The following FER variants were observed in gnomAD, a reference collection of about 807,000 sequenced individuals.
The protein encoded by FER is FER tyrosine kinase.
A neutral mutation model predicts 111.0 loss-of-function variants in FER; 63 were observed. The observed-to-expected ratio is 0.57, with a 90% CI of 0.46 to 0.70. FER has a LOEUF of 0.70. Ranked by LOEUF, FER falls within the 30% of genes least tolerant of loss-of-function variation. The pLI, the probability that FER is intolerant of heterozygous loss-of-function variation, is 0.00. For missense variants in FER, 914 were observed against 954.0 expected (o/e 0.96, Z 0.55); for synonymous variants, 327 against 313.9 (o/e 1.04, Z -0.44).
intron 13 of FER, among the ~76,000 whole-genome samples, chr5:108,999,762 A>G (rs1279408736): frequency 2.0e-5 from 3 of 148,764 alleles, no homozygotes; most frequent in Non-Finnish European, 4.5e-5. Context: ...ACTAGATTAG[A>G]TTATATTTTT....
chr5:109,043,428 A>G (rs1015319871), intron 14 of FER, among the ~76,000 whole-genome samples: 21 of 152,192 alleles, frequency 1.4e-4, no homozygotes, highest in African/African-American at 5.1e-4. Flanking sequence ...ATGATTGATC[A>G]TTGTTTTATA....
chr5:108,920,449 A>G (rs186026105), intron 10 of FER, among the ~76,000 whole-genome samples: 7 of 152,280 alleles, frequency 4.6e-5, no homozygotes, highest in Admixed American at 3.3e-4. Context: ...TTCATACAAT[A>G]AAGTAATTAC....
chr5:108,845,039 T>TAC (rs1561503222), intron 5 of FER, among the ~76,000 whole-genome samples: 43 of 52,114 alleles, frequency 8.3e-4, no homozygotes, highest in East Asian at 1.4e-3. Context: ...TATATATATA[T>TAC]ACATATATAT....
chr5:108,924,682 C>T (rs545606040), intron 10 of FER: 3 of 1,231,872 alleles, frequency 2.4e-6, no homozygotes, highest in Non-Finnish European at 3.0e-6. Flanking sequence ...AATGAAATGT[C>T]CTCATTGTAA....
intron 10 of FER, among the ~76,000 whole-genome samples, chr5:108,918,810 A>G (rs1752630179): frequency 6.6e-6 from 1 of 152,136 alleles, no homozygotes; most frequent in East Asian, 1.9e-4. Context: ...GTTTTTAACA[A>G]TCCTTTCTTA....
chr5:109,003,595 A>G (rs1442804624), intron 13 of FER, among the ~76,000 whole-genome samples: 1 of 152,174 alleles, frequency 6.6e-6, no homozygotes, highest in Non-Finnish European at 1.5e-5. Context: ...GTGCACATGT[A>G]TCCTAAAACT....
At chr5:109,125,823 A>G (rs188440807) in intron 17 of FER, among the ~76,000 whole-genome samples, 329 of 152,340 alleles carry the variant, frequency 2.2e-3, no homozygotes, top group Non-Finnish European at 2.9e-3. Context: ...GAATAAGAAC[A>G]TTCCCAGGTT....
At chr5:109,043,863 C>T (rs1003613804) in intron 14 of FER, among the ~76,000 whole-genome samples, 12 of 151,632 alleles carry the variant, frequency 7.9e-5, no homozygotes, top group East Asian at 1.9e-4. Context: ...CCCAGCTACT[C>T]GGGAGGCTGA....
chr5:108,939,148 G>A (rs1343740287), intron 10 of FER, among the ~76,000 whole-genome samples: 1 of 151,900 alleles, frequency 6.6e-6, no homozygotes, highest in Non-Finnish European at 1.5e-5. Context: ...TGCTGAAACT[G>A]TTAAATTAAT....
At chr5:108,886,512 C>T (rs72791998) in intron 9 of FER, among the ~76,000 whole-genome samples, 16,981 of 150,462 alleles carry the variant, frequency 0.11, 1,338 homozygotes, top group Middle Eastern at 0.18. Flanking sequence ...TCTTTCTGTG[C>T]CTTTTGTATA....
chr5:109,151,510 CT>C (rs1054032615), intron 17 of FER, among the ~76,000 whole-genome samples: 3 of 152,006 alleles, frequency 2.0e-5, no homozygotes, highest in Admixed American at 6.6e-5. Flanking sequence ...TTCTGTTTTG[CT>C]TTTGCTAATG....
chr5:108,764,551 C>G (rs1580415365), intron 1 of FER, among the ~76,000 whole-genome samples: 1 of 152,074 alleles, frequency 6.6e-6, no homozygotes, highest in African/African-American at 2.4e-5. Flanking sequence ...GCATGCGCCA[C>G]CATGCCCGGC....
intron 14 of FER, among the ~76,000 whole-genome samples, chr5:109,041,902 A>G (rs72790580): frequency 0.015 from 2,240 of 152,280 alleles, 32 homozygotes; most frequent in Middle Eastern, 0.068. Context: ...GGGCATTAGT[A>G]GGATTATATG....
At chr5:108,818,603 A>T (rs989781612) in intron 3 of FER, among the ~76,000 whole-genome samples, 1 of 152,144 alleles carries the variant, frequency 6.6e-6, no homozygotes, top group Non-Finnish European at 1.5e-5. Flanking sequence ...GGCATTGGGA[A>T]ATGTGTGCTG....
chr5:109,042,993 G>A (rs1055148811), intron 14 of FER, among the ~76,000 whole-genome samples: 2 of 152,100 alleles, frequency 1.3e-5, no homozygotes, highest in Non-Finnish European at 2.9e-5. Flanking sequence ...TGTTGTAGGT[G>A]GATTGGAGAA....
At position 108,762,220 on chromosome 5, in the gene FER, C is replaced by G. The variant is rs142020758; in HGVS notation, c.-205-5873C>G. Among the ~76,000 whole-genome samples the G allele has an allele frequency of 5.9e-4, 90 of 152,254 alleles. 1 individual carries two copies. Among genetic ancestry groups the G allele is most frequent in the African/African-American group, 2.1e-3 (87 of 41,550 alleles). On this transcript the variant is annotated intron_variant, in intron 1 of 19. Transcript: ENST00000281092. The stretch of plus-strand genomic sequence containing the variant: ...TAGTTTTGGATGCCAGTGGCAGACA[C>G]CTATTTAACAATTTAGTCCTTCCCA...
chr5:109,069,091 AT>A (rs1436997635), intron 16 of FER, among the ~76,000 whole-genome samples: 2 of 152,146 alleles, frequency 1.3e-5, no homozygotes, highest in African/African-American at 2.4e-5. Context: ...AATGCTATTA[AT>A]GTGTAGATCA....
rs1241308276 is a variant in FER, at chr5:109,193,220, G to A, written c.*5645G>A. The A allele has an allele frequency of 2.0e-5, 3 of 152,108 alleles. No homozygotes were observed. Among genetic ancestry groups the A allele is most frequent in the African/African-American group, 7.2e-5 (3 of 41,412 alleles). The allele number at this position is 152,108 out of a possible 1,614,324, so 9.4% of individuals were successfully genotyped here. On this transcript the variant is annotated 3_prime_UTR_variant, in exon 20 of 20. Coordinates refer to ENST00000281092, the MANE Select transcript of FER (RefSeq NM_005246.4). ...ATTTAATCAGAATTACCCTTGCTCT[G>A]TTTATCTGTGAGGCCTCAGACACAA...
intron 16 of FER, among the ~76,000 whole-genome samples, chr5:109,079,268 G>A (rs1000264614): frequency 6.6e-6 from 1 of 152,094 alleles, no homozygotes; most frequent in Admixed American, 6.6e-5. Flanking sequence ...CTGGGGCAAA[G>A]GGTACAGAGA....
Sources: gnomAD v4.1 joint callset for allele counts (sites outside exome capture counted in the v4.1 genomes callset) on GRCh38, gnomAD v4.1.1 for gene constraint, MANE v1.5 for transcripts, NCBI Gene and HGNC (gene_info 2026-07-23, HGNC 2026-07-21) for gene names.